AGBL4: variants seen among roughly 807,000 people sequenced by gnomAD.
AGBL4 encodes the protein cytosolic carboxypeptidase 6.
In AGBL4, 58 loss-of-function variants were observed where a neutral mutation model predicts 66.4. The ratio of observed to expected loss-of-function variants is 0.87; its 90% CI spans 0.71 to 1.09. The LOEUF is 1.09. Ranked by LOEUF, AGBL4 falls within the 50% of genes least tolerant of loss-of-function variation. The pLI is 0.00. For missense variants in AGBL4, 579 were observed against 631.0 expected (o/e 0.92, Z 0.88); for synonymous variants, 234 against 222.9 (o/e 1.05, Z -0.44).
chr1:48,977,765 T>A (rs1659454307), intron 5 of AGBL4, among the ~76,000 whole-genome samples: 2 of 152,154 alleles, frequency 1.3e-5, no homozygotes, highest in Admixed American at 6.6e-5. Context: ...AAAATTGGGT[T>A]GTTGTGACAC....
At chr1:48,771,889 G>A (rs1644854950) in intron 6 of AGBL4, among the ~76,000 whole-genome samples, 1 of 152,346 alleles carries the variant, frequency 6.6e-6, no homozygotes, top group South Asian at 2.1e-4. Context: ...GTTTCTTCTA[G>A]CTAGTTGAGG....
At chr1:49,507,487 GT>G (rs1314492649) in intron 3 of AGBL4, among the ~76,000 whole-genome samples, 1 of 151,828 alleles carries the variant, frequency 6.6e-6, no homozygotes, top group African/African-American at 2.4e-5. Context: ...AGTATTTTCA[GT>G]TTTTAATTTT....
At position 50,023,767 on chromosome 1, in the gene AGBL4, C is replaced by A; in HGVS notation, c.30G>T (p.Glu10Asp). The stretch of plus-strand genomic sequence containing the variant: ...AGATCGGCCGCCCCCACAGACCTGC[C>A]TCAGGCGCCGACTGGCTCCCCTCCG... MAEGSQSAP[E>D]AGNDMGNDDA... The change falls in exon 1 of 14, where the codon GAG (glutamate) becomes GAT (aspartate). Residue 10 changes from glutamate to aspartate, a missense_variant. By Grantham distance (45) the Glu-to-Asp change is conservative. Transcript: ENST00000371839. 6.5e-7 allele frequency: 1 copy of A among 1,549,618 alleles called. No homozygotes were observed. Among genetic ancestry groups the A allele is most frequent in the South Asian group, 1.2e-5 (1 of 83,860 alleles).
At position 49,912,472 on chromosome 1, in the gene AGBL4, C is replaced by T. The variant is rs544765689; in HGVS notation, c.35-60954G>A. On this transcript the variant is annotated intron_variant, in intron 1 of 13. Transcript: ENST00000371839. ...GTATGTAACATTACCAAACATTATT[C>T]AAAGTGTTTTATAAATTTAGCTCAT... Among the ~76,000 whole-genome samples, 3 of 152,266 alleles carry T rather than the reference C, an allele frequency of 2.0e-5. No homozygotes were observed. The South Asian group carries it at 6.2e-4, about 32-fold the overall frequency.
chr1:48,624,366 C>T (rs1250148872), intron 9 of AGBL4, among the ~76,000 whole-genome samples: 2 of 152,322 alleles, frequency 1.3e-5, no homozygotes, highest in South Asian at 2.1e-4. Flanking sequence ...CAAGATTTCC[C>T]TAAACACCCA....
intron 4 of AGBL4, among the ~76,000 whole-genome samples, chr1:49,122,237 A>T (rs528359274): frequency 6.6e-6 from 1 of 152,182 alleles, no homozygotes; most frequent in Non-Finnish European, 1.5e-5. Context: ...ACCAGTCCCA[A>T]TGAGATGAAC....
rs934939033 is a variant in AGBL4, at chr1:48,893,893, A to G, written c.595-26663T>C. Among the ~76,000 whole-genome samples, 4 of 152,048 alleles carry G rather than the reference A, an allele frequency of 2.6e-5. No individual in the cohort carries two copies. In the East Asian group the frequency reaches 7.7e-4, roughly 29 times the overall value. ...AAAAAAGTTCCATTGTCTACAAGCC[A>G]CCCAGTTTATGGTACTTTGTTATGG... On this transcript the variant is annotated intron_variant, in intron 5 of 13. Coordinates refer to ENST00000371839, the MANE Select transcript of AGBL4 (RefSeq NM_032785.4).
At chr1:49,337,577 C>G (rs1645462801) in intron 3 of AGBL4, among the ~76,000 whole-genome samples, 1 of 152,126 alleles carries the variant, frequency 6.6e-6, no homozygotes, top group African/African-American at 2.4e-5. Context: ...GCACAGTAAT[C>G]CACTGGTCAT....
At chr1:49,818,876 C>T (rs541886991) in intron 2 of AGBL4, among the ~76,000 whole-genome samples, 1 of 152,238 alleles carries the variant, frequency 6.6e-6, no homozygotes, top group East Asian at 1.9e-4. Context: ...CTTAAATCTT[C>T]CATTCCAAGT....
intron 5 of AGBL4, among the ~76,000 whole-genome samples, chr1:48,883,161 T>C (rs542226593): frequency 3.9e-5 from 6 of 152,318 alleles, no homozygotes; most frequent in African/African-American, 1.2e-4. Context: ...CATATGGTAG[T>C]TCTATTTTTA....
At chr1:49,114,902 T>C (rs1645484862) in intron 4 of AGBL4, among the ~76,000 whole-genome samples, 1 of 152,058 alleles carries the variant, frequency 6.6e-6, no homozygotes, top group Non-Finnish European at 1.5e-5. Flanking sequence ...TGATTACAAA[T>C]CACCATAGCA....
At chr1:49,193,533 T>C (rs1276510292) in intron 4 of AGBL4, among the ~76,000 whole-genome samples, 7 of 144,432 alleles carry the variant, frequency 4.8e-5, no homozygotes, top group African/African-American at 1.8e-4. Flanking sequence ...TATTGATTTC[T>C]TTTTTTTTTT....
rs193248295 is a variant in AGBL4 at position 49,117,540 on chromosome 1, T to C, written c.378-71740A>G. ...AGATCAGATGGTTGTAGATGTGTGG[T>C]GTTATTTCTGAGGCCTCTTTTCTGT... On this transcript the variant is annotated intron_variant, in intron 4 of 13. Transcript: ENST00000371839. 3.7e-3 allele frequency among the ~76,000 whole-genome samples: 569 copies of C among 152,134 alleles called. 3 individuals are homozygous for C. The highest frequency in any genetic ancestry group is 0.012 in the African/African-American group (515 of 41,514).
chr1:49,814,497 G>A (rs896393707), intron 2 of AGBL4, among the ~76,000 whole-genome samples: 2 of 152,110 alleles, frequency 1.3e-5, no homozygotes, highest in Admixed American at 1.3e-4. Context: ...TCTGACCCAG[G>A]AGACACTATA....
intron 1 of AGBL4, among the ~76,000 whole-genome samples, chr1:49,981,147 A>G (rs1010487415): frequency 6.6e-6 from 1 of 152,198 alleles, no homozygotes; most frequent in Non-Finnish European, 1.5e-5. Flanking sequence ...GGTTAAAGGC[A>G]GAACAGGGAA....
intron 5 of AGBL4, among the ~76,000 whole-genome samples, chr1:49,030,820 C>CAAAAA (rs34872551): frequency 6.4e-5 from 4 of 62,078 alleles, no homozygotes; most frequent in Non-Finnish European, 1.3e-4. Flanking sequence ...TAAGTAGAGG[C>CAAAAA]AAAAAAAAAA....
intron 5 of AGBL4, among the ~76,000 whole-genome samples, chr1:48,988,905 G>A (rs1272453098): frequency 6.6e-6 from 1 of 152,132 alleles, no homozygotes; most frequent in Non-Finnish European, 1.5e-5. Context: ...CAGTGATTCT[G>A]CCTTTCATTG....
At chr1:48,759,394 G>C (rs1173980371) in intron 6 of AGBL4, 2 of 1,447,446 alleles carry the variant, frequency 1.4e-6, no homozygotes, top group Non-Finnish European at 1.8e-6. Flanking sequence ...CAGAACATCA[G>C]TGCTTGGAGA....
chr1:49,896,943 CA>C, intron 1 of AGBL4, among the ~76,000 whole-genome samples: 1 of 151,794 alleles, frequency 6.6e-6, no homozygotes, highest in East Asian at 1.9e-4. Context: ...AAAAACTGGA[CA>C]TGGAATGAAC....
Sources: allele counts gnomAD v4.1 joint callset (sites outside exome capture counted in the v4.1 genomes callset), GRCh38; gene constraint gnomAD v4.1.1; transcripts MANE v1.5; gene names NCBI Gene and HGNC (gene_info 2026-07-23, HGNC 2026-07-21).